Variants in ARL6IP6 observed in about 807,000 individuals in gnomAD.
ARL6IP6 encodes the protein ADP-ribosylation factor-like protein 6-interacting protein 6.
Under a neutral mutation model 21.5 loss-of-function variants are expected in ARL6IP6, and 22 were observed. That is an observed-to-expected ratio of 1.02 (90% CI 0.73 to 1.46). The LOEUF (loss-of-function observed/expected upper bound fraction) is 1.46. ARL6IP6 is among the 40% of genes most tolerant of loss of function. ARL6IP6 has a pLI of 0.00. For synonymous variants in ARL6IP6, 164 were observed against 125.3 expected (o/e 1.31, Z -2.06); for missense variants, 388 against 299.8 (o/e 1.29, Z -2.17).
Position 152,734,720 on chromosome 2 carries a change from A to G in ARL6IP6, c.455-274A>G, listed in dbSNP as rs370489628. Among the ~76,000 whole-genome samples, 516 of 152,270 alleles carry G rather than the reference A, an allele frequency of 3.4e-3. 6 individuals carry two copies. The South Asian group carries it at 0.038, about 11-fold the overall frequency. The stretch of plus-strand genomic sequence containing the variant: ...GTTTTCTGTAGTTGAATTTTATAAA[A>G]CTGAAGATGTTATGTTCTTGTTGAA... On this transcript the variant is annotated intron_variant, in intron 2 of 3. Transcript: ENST00000326446.
At chr2:152,719,174 C>T (rs1211167519) in intron 1 of ARL6IP6, 150 bp downstream of exon 1, 1 of 898,236 alleles carries the variant, frequency 1.1e-6, no homozygotes, top group Non-Finnish European at 1.6e-6. Context: ...TTACTTTGCT[C>T]TCCCGCCCTT....
chr2:152,730,170 G>A (rs908918359), intron 2 of ARL6IP6, among the ~76,000 whole-genome samples: 3 of 152,150 alleles, frequency 2.0e-5, no homozygotes, highest in South Asian at 2.1e-4. Context: ...TGCGAAGTAA[G>A]TACTTAGATT....
intron 3 of ARL6IP6, among the ~76,000 whole-genome samples, chr2:152,754,390 C>A (rs1701481822): frequency 6.6e-6 from 1 of 152,148 alleles, no homozygotes; most frequent in Non-Finnish European, 1.5e-5. Context: ...CATATTGTGG[C>A]ATATGTCAGT....
intron 3 of ARL6IP6, among the ~76,000 whole-genome samples, chr2:152,742,182 C>T (rs1226936688): frequency 1.3e-5 from 2 of 152,082 alleles, no homozygotes; most frequent in Non-Finnish European, 2.9e-5. Flanking sequence ...TTTTGGTTAT[C>T]AGCTTTAATT....
intron 2 of ARL6IP6, among the ~76,000 whole-genome samples, chr2:152,731,565 C>T (rs1013457093): frequency 1.3e-5 from 2 of 152,152 alleles, no homozygotes; most frequent in South Asian, 2.1e-4. Flanking sequence ...GATTCTGATA[C>T]GACCTCCTTG....
In ARL6IP6 at chr2:152,718,774, A is replaced by G; in HGVS notation, c.150A>G (p.Gln50=). ...TCGACGAGGAGGAGGGATGCGACCA[A>G]GTGGCCCGCGACCTGCGGGCGGAGT... ...GEVDEEEGCD[Q]VARDLRAEFS... Residue 50 remains glutamine (Q), a synonymous_variant, in exon 1 of 4, where the codon CAA becomes CAG. Coordinates refer to ENST00000326446, the MANE Select transcript of ARL6IP6 (RefSeq NM_152522.7). The G allele has an allele frequency of 6.2e-7, 1 of 1,608,390 alleles. No homozygotes were observed. The highest frequency in any genetic ancestry group is 1.1e-5 in the South Asian group (1 of 90,076).
At chr2:152,725,202 C>T (rs1699983599) in intron 2 of ARL6IP6, among the ~76,000 whole-genome samples, 1 of 152,156 alleles carries the variant, frequency 6.6e-6, no homozygotes, top group South Asian at 2.1e-4. Flanking sequence ...GTCTATTGGA[C>T]ATTTTTTAAT....
intron 2 of ARL6IP6, among the ~76,000 whole-genome samples, chr2:152,725,603 A>G (rs1452926384): frequency 6.6e-6 from 1 of 152,204 alleles, no homozygotes; most frequent in Non-Finnish European, 1.5e-5. Context: ...ATAAGCCATG[A>G]AAGGCTTAAA....
At chr2:152,744,217 A>G (rs1700944478) in intron 3 of ARL6IP6, among the ~76,000 whole-genome samples, 1 of 152,174 alleles carries the variant, frequency 6.6e-6, no homozygotes, top group Non-Finnish European at 1.5e-5. Flanking sequence ...ACAGATAGTC[A>G]TTTTGAATTA....
At chr2:152,750,910 C>T (rs1407927538) in intron 3 of ARL6IP6, among the ~76,000 whole-genome samples, 5 of 152,142 alleles carry the variant, frequency 3.3e-5, no homozygotes, top group Non-Finnish European at 7.3e-5. Context: ...TTCGTATATG[C>T]AAATAATAAT....
intron 3 of ARL6IP6, among the ~76,000 whole-genome samples, chr2:152,746,307 A>G (rs1487266806): frequency 2.6e-5 from 4 of 152,054 alleles, no homozygotes; most frequent in Non-Finnish European, 5.9e-5. Flanking sequence ...GATTACAGGC[A>G]TGAGCCACCT....
At chr2:152,740,242 G>A (rs73005606) in intron 3 of ARL6IP6, among the ~76,000 whole-genome samples, 6,319 of 152,142 alleles carry the variant, frequency 0.042, 280 homozygotes, top group African/African-American at 0.11. Flanking sequence ...AGCTGGGACT[G>A]TAGGTGTGTC....
chr2:152,721,188 A>G (rs1388100055), intron 2 of ARL6IP6, among the ~76,000 whole-genome samples: 1 of 152,232 alleles, frequency 6.6e-6, no homozygotes, highest in Non-Finnish European at 1.5e-5. Context: ...ACTCAGGTCC[A>G]GAGAAATATT....
At chr2:152,753,993 G>A (rs941027898) in intron 3 of ARL6IP6, among the ~76,000 whole-genome samples, 16 of 151,618 alleles carry the variant, frequency 1.1e-4, no homozygotes, top group South Asian at 2.1e-4. Flanking sequence ...GAGCCACCAC[G>A]CCCGGTCCAG....
intron 3 of ARL6IP6, among the ~76,000 whole-genome samples, chr2:152,757,508 A>G (rs1165450218): frequency 1.3e-5 from 2 of 152,260 alleles, no homozygotes; most frequent in East Asian, 3.9e-4. Flanking sequence ...ACTTGAGTCA[A>G]TTTTAAATAA....
chr2:152,747,096 C>T (rs1701092942), intron 3 of ARL6IP6, among the ~76,000 whole-genome samples: 2 of 152,046 alleles, frequency 1.3e-5, no homozygotes, highest in Non-Finnish European at 2.9e-5. Flanking sequence ...TCCCAAGGCA[C>T]TGGGATTACA....
intron 3 of ARL6IP6, among the ~76,000 whole-genome samples, chr2:152,755,882 C>T (rs1701571496): frequency 6.6e-6 from 1 of 152,226 alleles, no homozygotes; most frequent in South Asian, 2.1e-4. Context: ...CTGGACCCTA[C>T]ATGTGTATAT....
intron 2 of ARL6IP6, among the ~76,000 whole-genome samples, chr2:152,727,632 G>C (rs1417040507): frequency 6.6e-6 from 1 of 152,058 alleles, no homozygotes; most frequent in Non-Finnish European, 1.5e-5. Flanking sequence ...TATTTTTACT[G>C]TACCTTTTCT....
At chr2:152,734,385 T>C (rs758080250) in intron 2 of ARL6IP6, among the ~76,000 whole-genome samples, 1 of 152,324 alleles carries the variant, frequency 6.6e-6, no homozygotes, top group Middle Eastern at 3.4e-3. Context: ...TACCCCCAAA[T>C]TGAGGCAAGT....
Sources: allele counts gnomAD v4.1 joint callset (sites outside exome capture counted in the v4.1 genomes callset), GRCh38; gene constraint gnomAD v4.1.1; transcripts MANE v1.5; gene names NCBI Gene and HGNC (gene_info 2026-07-23, HGNC 2026-07-21).